CD163: variants seen among roughly 807,000 people sequenced by gnomAD.
CD163 encodes the protein CD163 molecule, also known as scavenger receptor cysteine-rich type 1 protein M130.
In CD163, 64 loss-of-function variants were observed where a neutral mutation model predicts 129.2. The ratio of observed to expected loss-of-function variants is 0.50; its 90% CI spans 0.41 to 0.61. The LOEUF (loss-of-function observed/expected upper bound fraction) is 0.61. Among genes scored for constraint, CD163 ranks in the 20% least tolerant of loss-of-function variants. The pLI, the probability that CD163 is intolerant of heterozygous loss-of-function variation, is 0.00. For missense variants in CD163, 1,061 were observed against 1,377.9 expected, an observed-to-expected ratio of 0.77 and a Z score of 3.64; for synonymous variants, 446 against 478.5, an observed-to-expected ratio of 0.93 and a Z score of 0.89.
chr12:7,491,032 A>C (rs1949320096), intron 6 of CD163, among the ~76,000 whole-genome samples: 1 of 152,020 alleles, frequency 6.6e-6, no homozygotes, highest in African/African-American at 2.4e-5. Flanking sequence ...ATCTTTAAGT[A>C]AAGGCAGTCT....
At chr12:7,484,580 A>T (rs1318341463) in intron 11 of CD163, among the ~76,000 whole-genome samples, 2 of 146,576 alleles carry the variant, frequency 1.4e-5, no homozygotes, top group African/African-American at 4.9e-5. Flanking sequence ...CAGAGGTTGC[A>T]GTGAGCCAAG....
Position 7,485,484 on chromosome 12 carries a change from C to T in CD163, c.2459-68G>A. 5.5e-6 allele frequency: 7 copies of T among 1,279,462 alleles called. No individual in the cohort carries two copies. Among genetic ancestry groups the T allele is most frequent in the Non-Finnish European group, 7.7e-6 (7 of 909,082 alleles). 79.3% of individuals were successfully genotyped at this position (1,279,462 alleles called of 1,614,324 possible). On this transcript the variant is annotated intron_variant, in intron 10 of 16. Transcript: ENST00000432237. The surrounding 1 kb of genome is among the most constrained non-coding windows in gnomAD (Gnocchi z 4.5). Reference sequence around the variant, plus strand: ...AGATTCAGAGACTCCTTCCCTTTACCTTGATGTAAGAATGGCTTTAAAAAT... The same window carrying T: ...AGATTCAGAGACTCCTTCCCTTTACTTTGATGTAAGAATGGCTTTAAAAAT...
chr12:7,496,805 T>C lies in CD163; in HGVS notation c.1099+8A>G. The C allele has an allele frequency of 6.2e-7, 1 of 1,613,616 alleles. No homozygotes were observed. Among genetic ancestry groups the C allele is most frequent in the South Asian group, 1.1e-5 (1 of 91,044 alleles). ...TAGTGTTTTGGTTTTGGTTTGGTTT[T>C]AACTTACCAGAACATGTCACGCCAG... On this transcript the variant is annotated splice_region_variant and intron_variant, in intron 5 of 16. Transcript: ENST00000432237. The surrounding 1 kb of genome is among the most constrained non-coding windows in gnomAD (Gnocchi z 4.8).
In CD163 at chr12:7,479,881, A is replaced by G; in HGVS notation, c.*10T>C. ...TCACCTCACTGGGTTATAAATTCCCATTTTCCTTTTCAGTGTGGCTCAGAA... is the reference window on the plus strand; with the variant it reads ...TCACCTCACTGGGTTATAAATTCCCGTTTTCCTTTTCAGTGTGGCTCAGAA... On this transcript the variant is annotated 3_prime_UTR_variant, in exon 16 of 17. Coordinates refer to ENST00000432237, the MANE Select transcript of CD163 (RefSeq NM_203416.4). 1 of 1,612,244 alleles carries G rather than the reference A, an allele frequency of 6.2e-7. No individual in the cohort carries two copies. The highest frequency in any genetic ancestry group is 1.1e-5 in the South Asian group (1 of 90,758).
At chr12:7,475,005 A>G (rs1949064980) in intron 16 of CD163, among the ~76,000 whole-genome samples, 1 of 149,526 alleles carries the variant, frequency 6.7e-6, no homozygotes, top group Non-Finnish European at 1.5e-5. Context: ...GGACACATAC[A>G]TCCTCCCAAG....
At position 7,485,246 on chromosome 12, in the gene CD163, G is replaced by C. The variant is rs752449018; in HGVS notation, c.2629C>G (p.Pro877Ala). The C allele has an allele frequency of 3.1e-6, 5 of 1,614,138 alleles. No individual in the cohort carries two copies. The highest frequency in any genetic ancestry group is 1.7e-4 in the Middle Eastern group (1 of 6,058). ...GACATGGCCTTGTCTAAAGATGCAG[G>C]GTTGATTTTCCCTTTGTCTGCACAG... is the stretch of plus-strand genomic sequence containing the variant. ...LGCADKGKIN[P>A]ASLDKAMSIP... is the part of the protein sequence containing the mutation. Residue 877 changes from proline (P) to alanine (A), a missense_variant, in exon 11 of 17, where the codon CCT becomes GCT. By Grantham distance (27) the Pro-to-Ala change is conservative. Transcript: ENST00000432237. The surrounding 1 kb of genome is among the most constrained non-coding windows in gnomAD (Gnocchi z 4.5).
Position 7,480,251 on chromosome 12 carries a change from A to G in CD163, c.3344-338T>C, listed in dbSNP as rs191296673. On this transcript the variant is annotated intron_variant, in intron 15 of 16. Coordinates refer to ENST00000432237, the MANE Select transcript of CD163 (RefSeq NM_203416.4). ...GGAAGAAGTGAGGCAGGCCCCTCTC[A>G]GAAGGTCAGGGACCCTTCATGGAGT... The G allele has an allele frequency of 3.2e-3, 1,114 of 345,600 alleles. 14 individuals are homozygous for G. Among genetic ancestry groups the G allele is most frequent in the Non-Finnish European group, 2.4e-3 (464 of 191,564 alleles). 21.4% of individuals were successfully genotyped at this position (345,600 alleles called of 1,614,324 possible).
At chr12:7,499,280 G>A in intron 3 of CD163, 92 bp from the exon 4 acceptor site, 1 of 1,133,304 alleles carries the variant, frequency 8.8e-7, no homozygotes, top group Non-Finnish European at 1.3e-6. Flanking sequence ...GGGATTTTAT[G>A]TTGTCCTTAA....
intron 6 of CD163, among the ~76,000 whole-genome samples, chr12:7,490,302 T>A (rs1949310549): frequency 6.6e-6 from 1 of 151,956 alleles, no homozygotes; most frequent in Admixed American, 6.6e-5. Flanking sequence ...TGAAGAATTA[T>A]AAGTAACTTA....
intron 16 of CD163, among the ~76,000 whole-genome samples, chr12:7,472,210 G>GCT (rs1949015094): frequency 6.6e-6 from 1 of 152,206 alleles, no homozygotes; most frequent in Non-Finnish European, 1.5e-5. Flanking sequence ...CCAGCACAGC[G>GCT]CTCGAGCTCT....
At chr12:7,477,283 G>A (rs996560749) in intron 16 of CD163, among the ~76,000 whole-genome samples, 2 of 151,964 alleles carry the variant, frequency 1.3e-5, no homozygotes, top group Non-Finnish European at 2.9e-5. Flanking sequence ...AAAGACACAG[G>A]CACACATGTT....
chr12:7,482,541 A>G, intron 14 of CD163, 102 bp downstream of exon 14: 1 of 1,302,694 alleles, frequency 7.7e-7, no homozygotes, highest in Non-Finnish European at 1.1e-6. Context: ...AACCTCTTTT[A>G]GAGTCCATCT....
rs761734963 is a variant in CD163, at chr12:7,498,996, C to A, written c.650G>T (p.Gly217Val). Residue 217 changes from glycine (G) to valine (V), a missense_variant, in exon 4 of 17, where the codon GGC (glycine) becomes GTC (valine). Gly to Val is a moderately radical substitution (Grantham distance 109). Transcript: ENST00000432237. ...SFSGSSNFGE[G>V]SGPIWFDDLI... ...ATCATCAAACCAGATTGGTCCAGAG[C>A]CTTCTCCAAAATTAGATGAACCAGA... is the stretch of plus-strand genomic sequence containing the variant. The A allele has an allele frequency of 4.3e-6, 7 of 1,614,110 alleles. No individual in the cohort carries two copies. The highest frequency in any genetic ancestry group is 5.1e-6 in the Non-Finnish European group (6 of 1,180,010).
chr12:7,470,871 C>T lies in CD163; in HGVS notation c.*558G>A, dbSNP rs1375740044. On this transcript the variant is annotated 3_prime_UTR_variant, in exon 17 of 17. Transcript: ENST00000432237. ...ATTCTAGTGAACAGAATTACAGTAACAAAAAGCAGTTAAAGAATCGTTGTG... is the reference window on the plus strand; with the variant it reads ...ATTCTAGTGAACAGAATTACAGTAATAAAAAGCAGTTAAAGAATCGTTGTG... The T allele has an allele frequency of 6.6e-6, 1 of 152,056 alleles. No individual in the cohort carries two copies. The highest frequency in any genetic ancestry group is 1.5e-5 in the Non-Finnish European group (1 of 67,992). The allele number at this position is 152,056 out of a possible 1,614,324, so 9.4% of individuals were successfully genotyped here.
At position 7,485,376 on chromosome 12, in the gene CD163, C is replaced by T. The variant is rs1238414352; in HGVS notation, c.2499G>A (p.Glu833=). Residue 833 remains glutamate (E), a synonymous_variant, in exon 11 of 17, where the codon GAG becomes GAA. Coordinates refer to ENST00000432237, the MANE Select transcript of CD163 (RefSeq NM_203416.4). The surrounding 1 kb of genome is among the most constrained non-coding windows in gnomAD (Gnocchi z 4.5). ...SLRLTSEASR[E]ACAGRLEVFY... ...AAACTTCCAGACGCCCTGCACAGGC[C>T]TCTCTGCTGGCTTCACTGGTCAGTC... 16 of 1,614,188 alleles carry T rather than the reference C, an allele frequency of 9.9e-6. No homozygotes were observed. The highest frequency in any genetic ancestry group is 1.3e-5 in the Non-Finnish European group (15 of 1,180,016).
intron 3 of CD163, 74 bp downstream of exon 3, chr12:7,501,064 TA>T: frequency 7.7e-7 from 1 of 1,290,616 alleles, no homozygotes; most frequent in Non-Finnish European, 1.1e-6. Flanking sequence ...TGGCTTATTC[TA>T]GGTTTTAACC....
At chr12:7,486,846 C>G (rs757663630) in intron 9 of CD163, 33 bp from the exon 10 acceptor site, 1 of 1,604,416 alleles carries the variant, frequency 6.2e-7, no homozygotes. Flanking sequence ...TAATAATGAG[C>G]ATTCCACTTG....
chr12:7,498,781 G>A, intron 4 of CD163, 87 bp downstream of exon 4: 1 of 1,255,070 alleles, frequency 8.0e-7, no homozygotes, highest in Non-Finnish European at 1.1e-6. Flanking sequence ...ACTTCATTAT[G>A]TTCTTAAGAG....
At chr12:7,502,119 A>AT (rs1160728957) in intron 2 of CD163, among the ~76,000 whole-genome samples, 2 of 152,170 alleles carry the variant, frequency 1.3e-5, no homozygotes, top group Non-Finnish European at 2.9e-5. Flanking sequence ...CTCTCAATAC[A>AT]TTTTTAGATA....
Sources: allele counts gnomAD v4.1 joint callset (sites outside exome capture counted in the v4.1 genomes callset), GRCh38; gene constraint gnomAD v4.1.1; non-coding constraint Gnocchi (gnomAD v3.1); transcripts MANE v1.5; gene names NCBI Gene and HGNC (gene_info 2026-07-23, HGNC 2026-07-21).